The following S100PBP variants were observed in gnomAD, a reference collection of about 807,000 sequenced individuals.
S100PBP encodes the protein S100P-binding protein.
In S100PBP, 15 loss-of-function variants were observed where a neutral mutation model predicts 39.9. The ratio of observed to expected loss-of-function variants is 0.38; its 90% CI spans 0.25 to 0.58. The LOEUF is 0.58. Among genes scored for constraint, S100PBP ranks in the 20% least tolerant of loss-of-function variants. S100PBP has a pLI of 0.70. For synonymous variants in S100PBP, 178 were observed against 180.3 expected (o/e 0.99, Z 0.10); for missense variants, 504 against 487.3 (o/e 1.03, Z -0.32).
chr1:32,826,242 A>T lies in S100PBP; in HGVS notation c.143A>T (p.Asp48Val). 1 of 1,614,174 alleles carries T rather than the reference A, an allele frequency of 6.2e-7. No homozygotes were observed. The highest frequency in any genetic ancestry group is 8.5e-7 in the Non-Finnish European group (1 of 1,180,020). ...LLELSEGEED[D>V]GDVNYTEEEI... is the part of the protein sequence containing the mutation. The stretch of plus-strand genomic sequence containing the variant: ...GAGCTGTCAGAGGGAGAAGAAGATG[A>T]TGGTGATGTAAATTACACAGAGGAA... Residue 48 changes from aspartate (D) to valine (V), a missense_variant, in exon 3 of 7, where the codon GAT becomes GTT. Asp to Val is a radical substitution (Grantham distance 152). Transcript: ENST00000373475.
intron 1 of S100PBP, chr1:32,820,529 C>G (rs1463657210): frequency 6.6e-6 from 1 of 152,150 alleles, no homozygotes; most frequent in Admixed American, 6.6e-5. Context: ...TTATTTGTCT[C>G]TTATGCCATG....
chr1:32,828,125 C>T (rs755146533), intron 4 of S100PBP, 44 bp downstream of exon 4: 2 of 1,362,736 alleles, frequency 1.5e-6, no homozygotes, highest in South Asian at 1.2e-5. Flanking sequence ...TTTTGGTTCT[C>T]TTCAATTTCT....
At chr1:32,843,722 G>C (rs1470677525) in intron 5 of S100PBP, among the ~76,000 whole-genome samples, 6 of 151,870 alleles carry the variant, frequency 4.0e-5, no homozygotes. Context: ...CAAAGTGCTG[G>C]GATTACAGGT....
At chr1:32,829,762 C>T (rs1430227141) in intron 4 of S100PBP, among the ~76,000 whole-genome samples, 2 of 152,204 alleles carry the variant, frequency 1.3e-5, no homozygotes, top group African/African-American at 4.8e-5. Flanking sequence ...CCCAGCTTCT[C>T]TTCTTTTTCT....
intron 4 of S100PBP, among the ~76,000 whole-genome samples, 163 bp downstream of exon 4, chr1:32,828,244 A>C (rs75611635): frequency 1.2e-4 from 19 of 152,070 alleles, no homozygotes; most frequent in Non-Finnish European, 2.5e-4. Context: ...TGGCAAGTCA[A>C]TTAATCTCTT....
At chr1:32,829,334 C>A (rs1333665911) in intron 4 of S100PBP, among the ~76,000 whole-genome samples, 1 of 152,198 alleles carries the variant, frequency 6.6e-6, no homozygotes, top group Non-Finnish European at 1.5e-5. Context: ...CAGTTTCACT[C>A]TAGAAAGCTA....
chr1:32,856,171 C>A lies in S100PBP; in HGVS notation c.*133C>A. On this transcript the variant is annotated 3_prime_UTR_variant, in exon 7 of 7. Coordinates refer to ENST00000373475, the MANE Select transcript of S100PBP (RefSeq NM_022753.4). ...TCACAAAATTTTTATTTAAAAAACT[C>A]GTCACCTTTTGGAAATGCCCATTGC... 1 of 562,574 alleles carries A rather than the reference C, an allele frequency of 1.8e-6. No homozygotes were observed. The highest frequency in any genetic ancestry group is 3.3e-5 in the Admixed American group (1 of 30,364). 34.8% of individuals were successfully genotyped at this position (562,574 alleles called of 1,614,324 possible).
intron 5 of S100PBP, among the ~76,000 whole-genome samples, chr1:32,839,318 C>G (rs984589570): frequency 1.3e-5 from 2 of 152,182 alleles, no homozygotes; most frequent in Non-Finnish European, 2.9e-5. Flanking sequence ...TCAGAATCTC[C>G]TTCCTTTTTA....
At chr1:32,852,942 C>T (rs1640671318) in intron 5 of S100PBP, 137 bp from the exon 6 acceptor site, 7 of 612,466 alleles carry the variant, frequency 1.1e-5, no homozygotes, top group African/African-American at 1.8e-5. Flanking sequence ...AGTTTCTGTG[C>T]TCACTGCTTG....
chr1:32,822,693 T>C (rs1038003271), intron 1 of S100PBP, among the ~76,000 whole-genome samples: 18 of 151,796 alleles, frequency 1.2e-4, no homozygotes, highest in Non-Finnish European at 2.6e-4. Flanking sequence ...ATTAAAATTA[T>C]CTCCTCCTCT....
upstream of S100PBP, chr1:32,817,428 G>T: frequency 1.4e-6 from 1 of 697,060 alleles, no homozygotes; most frequent in Non-Finnish European, 2.4e-6. Flanking sequence ...GAGCAGCAGA[G>T]AGTCGAGCAG....
At chr1:32,845,174 G>T (rs954257163) in intron 5 of S100PBP, among the ~76,000 whole-genome samples, 6 of 151,830 alleles carry the variant, frequency 4.0e-5, no homozygotes, top group African/African-American at 1.5e-4. Context: ...ACAGGCGCCC[G>T]CCACCTCACC....
intron 1 of S100PBP, among the ~76,000 whole-genome samples, chr1:32,822,485 C>T (rs1284712626): frequency 1.3e-5 from 2 of 151,704 alleles, no homozygotes; most frequent in Non-Finnish European, 1.5e-5. Context: ...TGGTGGCGGG[C>T]GCCTGCAGTC....
At chr1:32,825,725 C>G (rs1639291778) in intron 2 of S100PBP, among the ~76,000 whole-genome samples, 1 of 152,128 alleles carries the variant, frequency 6.6e-6, no homozygotes, top group African/African-American at 2.4e-5. Context: ...CTTTGAACAT[C>G]CATGTATATA....
rs545761883 is a variant in S100PBP at position 32,858,381 on chromosome 1, G to C, written c.*2343G>C. On this transcript the variant is annotated 3_prime_UTR_variant, in exon 7 of 7. Coordinates refer to ENST00000373475, the MANE Select transcript of S100PBP (RefSeq NM_022753.4). Reference sequence around the variant, plus strand: ...GCAGCTTAATTAAATCTGTTGGACTGGGGGAGGAGAGAGCTGTTCTCTAGT... The same window carrying C: ...GCAGCTTAATTAAATCTGTTGGACTCGGGGAGGAGAGAGCTGTTCTCTAGT... 6.5e-6 allele frequency: 1 copy of C among 152,766 alleles called. No individual in the cohort carries two copies. Among genetic ancestry groups the C allele is most frequent in the African/African-American group, 2.4e-5 (1 of 41,574 alleles). 9.5% of individuals were successfully genotyped at this position (152,766 alleles called of 1,614,324 possible). A position where few individuals can be genotyped will look rare whatever the true frequency, so the allele number is the denominator to read the frequency against.
At chr1:32,821,783 C>T (rs555523472) in intron 1 of S100PBP, among the ~76,000 whole-genome samples, 245 of 152,086 alleles carry the variant, frequency 1.6e-3, no homozygotes, top group African/African-American at 5.6e-3. Context: ...TACAGGCCCG[C>T]GTCACCATGC....
At chr1:32,852,876 C>G (rs1238459693) in intron 5 of S100PBP, 17 of 517,556 alleles carry the variant, frequency 3.3e-5, no homozygotes, top group Non-Finnish European at 5.9e-5. Flanking sequence ...TGAATGGTGG[C>G]TGCTATTATT....
At chr1:32,855,606 G>GT (rs11321498) in intron 6 of S100PBP, among the ~76,000 whole-genome samples, 27 of 149,180 alleles carry the variant, frequency 1.8e-4, no homozygotes, top group South Asian at 6.4e-4. Context: ...GAATAAAATG[G>GT]TTTTTTTTTT....
rs11357885 is a variant in S100PBP, at chr1:32,857,318, CT to C, written c.*1290del. On this transcript the variant is annotated 3_prime_UTR_variant, in exon 7 of 7. Transcript: ENST00000373475. ...ATGTCTTAGGAGTTGGTTATTCTCT[CT>C]TTTTTTTTTGAGACGGAGTTTCGCT... 99,791 of 151,112 alleles carry C rather than the reference CT, an allele frequency of 0.66. 33,199 individuals are homozygous for C. The highest frequency in any genetic ancestry group is 0.78 in the East Asian group (4,001 of 5,134). 9.4% of individuals were successfully genotyped at this position (151,112 alleles called of 1,614,324 possible).
Sources: gnomAD v4.1 joint callset for allele counts (sites outside exome capture counted in the v4.1 genomes callset) on GRCh38, gnomAD v4.1.1 for gene constraint, MANE v1.5 for transcripts, NCBI Gene and HGNC (gene_info 2026-07-23, HGNC 2026-07-21) for gene names.